Variants in ZBTB20 observed in about 807,000 individuals in gnomAD.
ZBTB20 encodes the protein zinc finger and BTB domain-containing protein 20.
ZBTB20 carries 9 observed loss-of-function variants against 56.9 expected under a neutral mutation model. That is an observed-to-expected ratio of 0.16 (90% confidence interval 0.10 to 0.28). The LOEUF is 0.28. Among genes scored for constraint, ZBTB20 ranks in the 10% least tolerant of loss-of-function variants. ZBTB20 has a pLI of 1.00. For missense variants in ZBTB20, 655 were observed against 1,003.0 expected (o/e 0.65, Z 4.69); for synonymous variants, 417 against 420.7 (o/e 0.99, Z 0.11).
At chr3:114,512,803 C>T (rs1044663465) in intron 6 of ZBTB20, among the ~76,000 whole-genome samples, 2 of 152,118 alleles carry the variant, frequency 1.3e-5, no homozygotes, top group Non-Finnish European at 2.9e-5. Context: ...GGAGCCTCAG[C>T]CCCTAAGATA....
intron 1 of ZBTB20, among the ~76,000 whole-genome samples, chr3:115,085,296 C>G (rs2082944431): frequency 6.6e-6 from 1 of 151,896 alleles, no homozygotes; most frequent in South Asian, 2.1e-4. Context: ...AATCCTCTGC[C>G]TAGCAGACAT....
intron 6 of ZBTB20, among the ~76,000 whole-genome samples, chr3:114,538,030 T>C (rs906345764): frequency 1.3e-5 from 2 of 152,048 alleles, no homozygotes; most frequent in Non-Finnish European, 2.9e-5. Context: ...ATACCTAATG[T>C]AGATGACAGG....
At chr3:115,063,630 C>A (rs2082092349) in intron 2 of ZBTB20, among the ~76,000 whole-genome samples, 1 of 149,146 alleles carries the variant, frequency 6.7e-6, no homozygotes, top group Non-Finnish European at 1.5e-5. Context: ...TTTTAGTTAT[C>A]ATTTCTCATT....
chr3:114,316,483 C>A lies in ZBTB20; in HGVS notation c.*22522G>T. The A allele has an allele frequency of 2.0e-6, 1 of 511,730 alleles. No homozygotes were observed. Among genetic ancestry groups the A allele is most frequent in the South Asian group, 1.5e-5 (1 of 68,558 alleles). 31.7% of individuals were successfully genotyped at this position (511,730 alleles called of 1,614,324 possible). ...ATGTGTGTATATATGCACATATACA[C>A]ACCTATACATGTATAATATATACAC... On this transcript the variant is annotated 3_prime_UTR_variant, in exon 12 of 12. Transcript: ENST00000675478.
At chr3:114,537,988 G>A (rs1383350980) in intron 6 of ZBTB20, among the ~76,000 whole-genome samples, 1 of 152,068 alleles carries the variant, frequency 6.6e-6, no homozygotes, top group Non-Finnish European at 1.5e-5. Flanking sequence ...GTTGGTGGCT[G>A]GGGGGCTAGG....
intron 6 of ZBTB20, among the ~76,000 whole-genome samples, chr3:114,506,798 G>C (rs1196918076): frequency 1.3e-5 from 2 of 152,022 alleles, no homozygotes; most frequent in Admixed American, 1.3e-4. Flanking sequence ...ATCTGGCCCC[G>C]GCCCACCTCT....
At chr3:114,451,942 C>G (rs2091641125) in intron 7 of ZBTB20, among the ~76,000 whole-genome samples, 1 of 152,026 alleles carries the variant, frequency 6.6e-6, no homozygotes, top group African/African-American at 2.4e-5. Context: ...GCACAACTAG[C>G]TGATAGGAGC....
rs1040568417 is a variant in ZBTB20, at chr3:115,008,917, T to A, written c.-506-34501A>T. ...TTTACACTATTTATGCTCCCACCAATCCTGTATATTTCCTATATGCTCACA... is the reference window on the plus strand; with the variant it reads ...TTTACACTATTTATGCTCCCACCAAACCTGTATATTTCCTATATGCTCACA... On this transcript the variant is annotated intron_variant, in intron 2 of 11. Coordinates refer to ENST00000675478, the MANE Select transcript of ZBTB20 (RefSeq NM_001348800.3). 3.4e-4 allele frequency among the ~76,000 whole-genome samples: 52 copies of A among 151,972 alleles called. 1 individual carries two copies. The highest frequency in any genetic ancestry group is 1.3e-4 in the Non-Finnish European group (9 of 67,912).
At chr3:114,432,156 T>C (rs1292220033) in intron 7 of ZBTB20, among the ~76,000 whole-genome samples, 2 of 90,370 alleles carry the variant, frequency 2.2e-5, no homozygotes, top group Non-Finnish European at 4.9e-5. Flanking sequence ...CCTGAAGGAT[T>C]TTGATTCCAT....
intron 7 of ZBTB20, among the ~76,000 whole-genome samples, chr3:114,487,399 G>A (rs1369597112): frequency 3.9e-5 from 6 of 152,212 alleles, no homozygotes; most frequent in Non-Finnish European, 8.8e-5. Flanking sequence ...TAGTTGGCCT[G>A]AAGGGACTTC....
At chr3:114,501,230 G>A (rs2043917964) in intron 6 of ZBTB20, among the ~76,000 whole-genome samples, 1 of 152,176 alleles carries the variant, frequency 6.6e-6, no homozygotes, top group Non-Finnish European at 1.5e-5. Context: ...TCTGTTTGGT[G>A]ATGAAAATTT....
chr3:114,429,520 C>T (rs1253732220), intron 7 of ZBTB20, among the ~76,000 whole-genome samples: 4 of 152,124 alleles, frequency 2.6e-5, no homozygotes, highest in South Asian at 2.1e-4. Flanking sequence ...GCTCTCTAGG[C>T]ATTGCTGCTC....
intron 1 of ZBTB20, among the ~76,000 whole-genome samples, chr3:115,119,315 C>T (rs1472340470): frequency 6.6e-6 from 1 of 152,128 alleles, no homozygotes; most frequent in Non-Finnish European, 1.5e-5. Flanking sequence ...ACATTATTAA[C>T]CCTTTTGTAC....
intron 4 of ZBTB20, among the ~76,000 whole-genome samples, chr3:114,849,017 C>T (rs2074862337): frequency 6.6e-6 from 1 of 152,230 alleles, no homozygotes; most frequent in Non-Finnish European, 1.5e-5. Context: ...CAGATGGCAA[C>T]AGTCCAACAT....
rs2079237970 is a variant in ZBTB20 at position 114,331,109 on chromosome 3, G to GTGTGTGTGTA, written c.*7895_*7896insTACACACACA. Reference sequence around the variant, plus strand: ...TTTAGTTTGAGAATAAAATTTATGTGTGTGTGTGTGTGTGTGTGTGTGTGT... The same window carrying GTGTGTGTGTA: ...TTTAGTTTGAGAATAAAATTTATGTGTGTGTGTGTATGTGTGTGTGTGTGTGTGTGTGTGT... On this transcript the variant is annotated 3_prime_UTR_variant, in exon 12 of 12. Coordinates refer to ENST00000675478, the MANE Select transcript of ZBTB20 (RefSeq NM_001348800.3). The GTGTGTGTGTA allele has an allele frequency of 9.1e-6, 1 of 110,292 alleles. No individual in the cohort carries two copies. Among genetic ancestry groups the GTGTGTGTGTA allele is most frequent in the Admixed American group, 7.9e-5 (1 of 12,626 alleles). The allele number at this position is 110,292 out of a possible 1,614,324, so 6.8% of individuals were successfully genotyped here. A position where few individuals can be genotyped will look rare whatever the true frequency, so the allele number is the denominator to read the frequency against.
chr3:114,829,963 A>G (rs1354270050), intron 4 of ZBTB20, among the ~76,000 whole-genome samples: 1 of 151,940 alleles, frequency 6.6e-6, no homozygotes, highest in Non-Finnish European at 1.5e-5. Flanking sequence ...TTCAAGTCAG[A>G]CAGCATTCCT....
chr3:115,121,779 G>A (rs984956793), intron 1 of ZBTB20, among the ~76,000 whole-genome samples: 2 of 151,918 alleles, frequency 1.3e-5, no homozygotes, highest in East Asian at 3.8e-4. Flanking sequence ...CCATATTCCA[G>A]TAAGCACCTA....
At chr3:115,005,689 A>C (rs1054670154) in intron 2 of ZBTB20, among the ~76,000 whole-genome samples, 3 of 151,798 alleles carry the variant, frequency 2.0e-5, no homozygotes, top group Non-Finnish European at 4.4e-5. Context: ...AAATCTATCA[A>C]CTTCTCTCTA....
intron 10 of ZBTB20, among the ~76,000 whole-genome samples, chr3:114,371,581 C>A (rs1177668265): frequency 6.6e-6 from 1 of 152,070 alleles, no homozygotes; most frequent in Non-Finnish European, 1.5e-5. Flanking sequence ...CAATACTTAG[C>A]CTGTGGTCCT....
Sources: allele counts gnomAD v4.1 joint callset (sites outside exome capture counted in the v4.1 genomes callset), GRCh38; gene constraint gnomAD v4.1.1; transcripts MANE v1.5; gene names NCBI Gene and HGNC (gene_info 2026-07-23, HGNC 2026-07-21).